RCOR1: variants seen among roughly 807,000 people sequenced by gnomAD.
RCOR1 encodes REST corepressor 1, also known as REST corepressor.
In RCOR1, 12 loss-of-function variants were observed where a neutral mutation model predicts 64.0. The observed-to-expected ratio is 0.19, with a 90% CI of 0.12 to 0.30. The LOEUF is 0.30. RCOR1 is among the 10% of genes least tolerant of loss of function. The pLI is 1.00. For synonymous variants in RCOR1, 279 were observed against 227.2 expected (o/e 1.23, Z -2.05); for missense variants, 502 against 621.2 (o/e 0.81, Z 2.04).
At chr14:102,668,515 G>C (rs1335144807) in intron 2 of RCOR1, among the ~76,000 whole-genome samples, 1 of 152,180 alleles carries the variant, frequency 6.6e-6, no homozygotes, top group Non-Finnish European at 1.5e-5. Context: ...GTGTATGTCA[G>C]TTGTGGCATG....
chr14:102,726,793 C>A lies in RCOR1; in HGVS notation c.*287C>A, dbSNP rs998450799. The A allele has an allele frequency of 4.9e-6, 2 of 406,852 alleles. No homozygotes were observed. The highest frequency in any genetic ancestry group is 2.1e-5 in the African/African-American group (1 of 47,232). The allele number at this position is 406,852 out of a possible 1,614,324, so 25.2% of individuals were successfully genotyped here. The stretch of plus-strand genomic sequence containing the variant: ...GTGACTCTGGGAACCGCCTCTCCCG[C>A]CGGAGCCCCCGAGCCCCACCAATGG... On this transcript the variant is annotated 3_prime_UTR_variant, in exon 12 of 12. Transcript: ENST00000262241.
intron 2 of RCOR1, among the ~76,000 whole-genome samples, chr14:102,604,247 A>G (rs1893459014): frequency 6.6e-6 from 1 of 152,206 alleles, no homozygotes. Context: ...ATATAGTTAT[A>G]GTAGCATATA....
chr14:102,681,095 CTG>C (rs1895293004), intron 2 of RCOR1, among the ~76,000 whole-genome samples: 2 of 152,104 alleles, frequency 1.3e-5, no homozygotes, highest in Admixed American at 1.3e-4. Flanking sequence ...GTCAACCAGA[CTG>C]TGGGTTTCCT....
chr14:102,596,110 T>G (rs887909337), intron 2 of RCOR1, among the ~76,000 whole-genome samples: 3 of 152,140 alleles, frequency 2.0e-5, no homozygotes, highest in Non-Finnish European at 4.4e-5. Context: ...CAACATTTTT[T>G]TTTTTTTTAA....
In RCOR1 at chr14:102,715,072, A is replaced by ATT. The variant is rs111566083; in HGVS notation, c.1053+468_1053+469dup. 7.7e-4 allele frequency among the ~76,000 whole-genome samples: 108 copies of ATT among 140,738 alleles called. 1 individual carries two copies. The Middle Eastern group carries it at 0.011, about 15-fold the overall frequency. 92.3% of individuals were successfully genotyped at this position (140,738 alleles called of 152,430 possible). A position where few individuals can be genotyped will look rare whatever the true frequency, so the allele number is the denominator to read the frequency against. On this transcript the variant is annotated intron_variant, in intron 8 of 11. Transcript: ENST00000262241. ...CTCCTTGTAGGTGGCCACTATTCTG[A>ATT]TTTTTTTTTTTTTTGAGACGGTGTC...
chr14:102,636,128 T>C (rs368778417), intron 2 of RCOR1, among the ~76,000 whole-genome samples: 40 of 151,308 alleles, frequency 2.6e-4, no homozygotes, highest in East Asian at 1.4e-3. Context: ...TTAGTAGAGA[T>C]GGGGTTTCAC....
At position 102,593,033 on chromosome 14, in the gene RCOR1, C is replaced by T; in HGVS notation, c.147C>T (p.Ala49=). The T allele has an allele frequency of 7.8e-7, 1 of 1,281,520 alleles. No homozygotes were observed. The highest frequency in any genetic ancestry group is 9.9e-7 in the Non-Finnish European group (1 of 1,006,538). The allele number at this position is 1,281,520 out of a possible 1,614,324, so 79.4% of individuals were successfully genotyped here. A position where few individuals can be genotyped will look rare whatever the true frequency, so the allele number is the denominator to read the frequency against. ...CAGCCGCCACTGCCGCCTCGGGCGC[C>T]GCCGCCTCCTCAGCCTCGGCCGCCG... The part of the protein sequence containing the change: ...ASPAATAASG[A]AASSASAAAA... Residue 49 remains alanine (A), a synonymous_variant, in exon 1 of 12, where the codon GCC becomes GCT. Transcript: ENST00000262241.
intron 2 of RCOR1, among the ~76,000 whole-genome samples, chr14:102,640,654 T>G (rs980644847): frequency 2.1e-5 from 3 of 145,414 alleles, no homozygotes; most frequent in Non-Finnish European, 4.4e-5. Context: ...GCTATCACAC[T>G]TAACACCTTA....
At chr14:102,683,949 G>GA (rs1343950934) in intron 3 of RCOR1, among the ~76,000 whole-genome samples, 1 of 152,222 alleles carries the variant, frequency 6.6e-6, no homozygotes, top group Non-Finnish European at 1.5e-5. Context: ...GCAGCTGGGG[G>GA]AGGCGCCTGG....
At chr14:102,682,479 G>T in intron 3 of RCOR1, among the ~76,000 whole-genome samples, 1 of 152,162 alleles carries the variant, frequency 6.6e-6, no homozygotes, top group South Asian at 2.1e-4. Flanking sequence ...CTAAAAATCT[G>T]CCTCCCTGTA....
chr14:102,630,443 A>C (rs1894087890), intron 2 of RCOR1, among the ~76,000 whole-genome samples: 3 of 151,956 alleles, frequency 2.0e-5, no homozygotes, highest in Admixed American at 6.6e-5. Context: ...GACTAAGACA[A>C]CCCCTTTAGG....
intron 3 of RCOR1, among the ~76,000 whole-genome samples, chr14:102,683,178 G>T (rs534983677): frequency 6.6e-6 from 1 of 152,220 alleles, no homozygotes; most frequent in East Asian, 1.9e-4. Context: ...TGTAAGCCCT[G>T]ATTACAATCG....
At chr14:102,687,468 A>T (rs955556028) in intron 3 of RCOR1, among the ~76,000 whole-genome samples, 3 of 152,246 alleles carry the variant, frequency 2.0e-5, no homozygotes, top group Non-Finnish European at 2.9e-5. Flanking sequence ...TGTCTAAGTA[A>T]AACCCATTTA....
Position 102,593,051 on chromosome 14 carries a change from G to GGCCGCCGCCGCCTCAGCC in RCOR1, c.175_192dup (p.Ala59_Ala64dup). On this transcript the variant is annotated inframe_insertion, in exon 1 of 12. Coordinates refer to ENST00000262241, the MANE Select transcript of RCOR1 (RefSeq NM_015156.4). Reference sequence around the variant, plus strand: ...CGGGCGCCGCCGCCTCCTCAGCCTCGGCCGCCGCCGCCTCAGCCGCCGCCG... The same window carrying GGCCGCCGCCGCCTCAGCC: ...CGGGCGCCGCCGCCTCCTCAGCCTCGGCCGCCGCCGCCTCAGCCGCCGCCGCCGCCTCAGCCGCCGCCG... 12 of 1,381,318 alleles carry GGCCGCCGCCGCCTCAGCC rather than the reference G, an allele frequency of 8.7e-6. No individual in the cohort carries two copies. The highest frequency in any genetic ancestry group is 1.1e-5 in the Non-Finnish European group (12 of 1,058,686). 85.6% of individuals were successfully genotyped at this position (1,381,318 alleles called of 1,614,324 possible).
chr14:102,681,496 A>G lies in RCOR1; in HGVS notation c.362-399A>G, dbSNP rs548717864. ...AAACTTTTTAAATAGTTATTCTTTA[A>G]TAATGCTGTTAAAAGAATTTTGGGA... On this transcript the variant is annotated intron_variant, in intron 2 of 11. Transcript: ENST00000262241. 6.6e-5 allele frequency among the ~76,000 whole-genome samples: 10 copies of G among 152,370 alleles called. No individual in the cohort carries two copies. The South Asian group carries it at 1.0e-3, about 16-fold the overall frequency.
At chr14:102,687,257 G>A (rs535232803) in intron 3 of RCOR1, among the ~76,000 whole-genome samples, 111 of 152,296 alleles carry the variant, frequency 7.3e-4, no homozygotes, top group African/African-American at 2.6e-3. Context: ...TTCCTTTTTA[G>A]AGGTAGAAAC....
chr14:102,681,126 G>A (rs1168884452), intron 2 of RCOR1, among the ~76,000 whole-genome samples: 5 of 152,112 alleles, frequency 3.3e-5, no homozygotes, highest in Non-Finnish European at 7.3e-5. Flanking sequence ...GTTTATAGTA[G>A]GTTGTATGTT....
intron 2 of RCOR1, among the ~76,000 whole-genome samples, chr14:102,637,436 A>G (rs1894267360): frequency 6.6e-6 from 1 of 151,192 alleles, no homozygotes; most frequent in Non-Finnish European, 1.5e-5. Context: ...CCGCATATAT[A>G]TATTTTATTT....
intron 2 of RCOR1, among the ~76,000 whole-genome samples, chr14:102,596,319 T>G (rs909502505): frequency 2.0e-5 from 3 of 152,136 alleles, no homozygotes; most frequent in Non-Finnish European, 2.9e-5. Flanking sequence ...ATCAGGCTGG[T>G]CTGGAACTCC....
Sources: gnomAD v4.1 joint callset for allele counts (sites outside exome capture counted in the v4.1 genomes callset) on GRCh38, gnomAD v4.1.1 for gene constraint, MANE v1.5 for transcripts, NCBI Gene and HGNC (gene_info 2026-07-23, HGNC 2026-07-21) for gene names.